RBFOX1: variants seen among roughly 807,000 people sequenced by gnomAD.
RBFOX1 encodes RNA binding protein fox-1 homolog 1.
In RBFOX1, 8 loss-of-function variants were observed where a neutral mutation model predicts 57.7. That is an observed-to-expected ratio of 0.14 (90% CI 0.08 to 0.25). The LOEUF (loss-of-function observed/expected upper bound fraction) is 0.25. Among genes scored for constraint, RBFOX1 ranks in the 10% least tolerant of loss-of-function variants. RBFOX1 has a pLI of 1.00. For missense variants in RBFOX1, 611 were observed against 548.5 expected (o/e 1.11, Z -1.14); for synonymous variants, 326 against 222.4 (o/e 1.47, Z -4.15).
At chr16:6,892,150 A>G (rs1242885034) in intron 3 of RBFOX1, among the ~76,000 whole-genome samples, 1 of 152,046 alleles carries the variant, frequency 6.6e-6, no homozygotes, top group Non-Finnish European at 1.5e-5. Context: ...GTGATTGCAG[A>G]CCCTCTTTGC....
intron 3 of RBFOX1, among the ~76,000 whole-genome samples, chr16:5,782,227 C>G (rs987134314): frequency 1.3e-5 from 2 of 152,190 alleles, no homozygotes; most frequent in African/African-American, 4.8e-5. Flanking sequence ...ACATTTCTTA[C>G]AGTTCTAGAG....
intron 3 of RBFOX1, among the ~76,000 whole-genome samples, chr16:6,724,043 C>A (rs568893281): frequency 5.9e-5 from 9 of 152,162 alleles, no homozygotes; most frequent in African/African-American, 2.2e-4. Context: ...TTTGTGTACC[C>A]TGAACATTTA....
intron 1 of RBFOX1, among the ~76,000 whole-genome samples, chr16:6,266,552 A>T (rs1366763396): frequency 6.6e-6 from 1 of 152,032 alleles, no homozygotes; most frequent in East Asian, 1.9e-4. Flanking sequence ...CATCTCTACT[A>T]AAGATACAAA....
At chr16:5,950,707 C>G (rs1361065111) in intron 4 of RBFOX1, among the ~76,000 whole-genome samples, 1 of 152,210 alleles carries the variant, frequency 6.6e-6, no homozygotes, top group Non-Finnish European at 1.5e-5. Flanking sequence ...GTCCAGCAAA[C>G]ATTTATCAGG....
intron 4 of RBFOX1, among the ~76,000 whole-genome samples, chr16:7,291,230 C>G (rs1384696426): frequency 6.6e-6 from 1 of 152,088 alleles, no homozygotes; most frequent in Non-Finnish European, 1.5e-5. Context: ...TGTGCCCTAA[C>G]CAGCTGAAGG....
chr16:6,571,248 C>G (rs555253959), intron 2 of RBFOX1, among the ~76,000 whole-genome samples: 73 of 152,314 alleles, frequency 4.8e-4, no homozygotes, highest in African/African-American at 1.7e-3. Flanking sequence ...ATAATGTGAG[C>G]TGCTGCTCCC....
At chr16:6,455,163 G>C (rs1054913745) in intron 2 of RBFOX1, among the ~76,000 whole-genome samples, 4 of 151,730 alleles carry the variant, frequency 2.6e-5, no homozygotes, top group African/African-American at 7.3e-5. Flanking sequence ...AAAGTGCTGG[G>C]ATTACAGGCG....
chr16:6,932,136 A>G (rs1179987333), intron 3 of RBFOX1, among the ~76,000 whole-genome samples: 4 of 151,960 alleles, frequency 2.6e-5, no homozygotes, highest in African/African-American at 9.7e-5. Context: ...ATGGCATCCC[A>G]TCTGTCACCC....
At chr16:5,679,011 A>G (rs1464385107) in intron 3 of RBFOX1, among the ~76,000 whole-genome samples, 1 of 152,206 alleles carries the variant, frequency 6.6e-6, no homozygotes, top group African/African-American at 2.4e-5. Flanking sequence ...GCAAAATGGG[A>G]TAATTGAACT....
intron 5 of RBFOX1, among the ~76,000 whole-genome samples, chr16:7,556,952 A>C (rs907628050): frequency 1.3e-5 from 2 of 152,198 alleles, no homozygotes; most frequent in African/African-American, 2.4e-5. Context: ...ATTTCTCCCA[A>C]ATGCCTCTGT....
chr16:7,575,005 A>T (rs558705709), intron 5 of RBFOX1, among the ~76,000 whole-genome samples: 2 of 141,466 alleles, frequency 1.4e-5, no homozygotes, highest in East Asian at 4.4e-4. Flanking sequence ...GGGAATGGTG[A>T]CCTCCAAAAA....
rs183143975 is a variant in RBFOX1, at chr16:6,574,167, T to G, written c.-63-80436T>G. Among the ~76,000 whole-genome samples, 13 of 152,246 alleles carry G rather than the reference T, an allele frequency of 8.5e-5. No homozygotes were observed. In the East Asian group the frequency reaches 2.5e-3, roughly 30 times the overall value. Reference sequence around the variant, plus strand: ...CCATTCTGGCCTTGCGATATATTATTGGTGGGACCGTGGGTGAGTCACTTA... The same window carrying G: ...CCATTCTGGCCTTGCGATATATTATGGGTGGGACCGTGGGTGAGTCACTTA... On this transcript the variant is annotated intron_variant, in intron 2 of 15. Transcript: ENST00000550418.
At chr16:6,271,902 C>G (rs985650931) in intron 1 of RBFOX1, among the ~76,000 whole-genome samples, 28 of 152,056 alleles carry the variant, frequency 1.8e-4, no homozygotes, top group Non-Finnish European at 3.5e-4. Flanking sequence ...TCCATATATC[C>G]TCTTCCAGAA....
chr16:7,332,796 G>T, intron 4 of RBFOX1: 2 of 1,394,746 alleles, frequency 1.4e-6, no homozygotes, highest in Non-Finnish European at 1.9e-6. Flanking sequence ...GTGTCTCTTC[G>T]TCGTCTGGGA....
chr16:7,623,136 TGTA>T (rs2059564970), intron 10 of RBFOX1, among the ~76,000 whole-genome samples: 3 of 152,150 alleles, frequency 2.0e-5, no homozygotes, highest in Middle Eastern at 3.4e-3. Context: ...GGTAGGAAGG[TGTA>T]GTAGTTGGCT....
intron 11 of RBFOX1, among the ~76,000 whole-genome samples, chr16:7,638,058 T>C (rs1341992615): frequency 6.6e-6 from 1 of 152,222 alleles, no homozygotes; most frequent in Non-Finnish European, 1.5e-5. Context: ...AAAGATTGCA[T>C]TAAAACATGA....
At chr16:5,614,375 C>T (rs2151260528) in intron 3 of RBFOX1, among the ~76,000 whole-genome samples, 1 of 152,308 alleles carries the variant, frequency 6.6e-6, no homozygotes. Flanking sequence ...TCTGGTTATC[C>T]TCCCTGAGTC....
intron 4 of RBFOX1, among the ~76,000 whole-genome samples, chr16:5,913,957 A>G (rs1239528263): frequency 6.6e-6 from 1 of 152,256 alleles, no homozygotes; most frequent in East Asian, 1.9e-4. Flanking sequence ...TCATGAGGAC[A>G]TCAAGGGTCA....
chr16:6,064,039 G>T (rs1273719958), intron 1 of RBFOX1, among the ~76,000 whole-genome samples: 1 of 152,010 alleles, frequency 6.6e-6, no homozygotes, highest in African/African-American at 2.4e-5. Flanking sequence ...ATATCTTGGT[G>T]CATTTCCCTA....
Sources: allele counts gnomAD v4.1 joint callset (sites outside exome capture counted in the v4.1 genomes callset), GRCh38; gene constraint gnomAD v4.1.1; transcripts MANE v1.5; gene names NCBI Gene and HGNC (gene_info 2026-07-23, HGNC 2026-07-21).